The following UGGT2 variants were observed in gnomAD, a reference collection of about 807,000 sequenced individuals.
The protein encoded by UGGT2 is UDP-glucose glycoprotein glucosyltransferase 2.
In UGGT2, 180 loss-of-function variants were observed where a neutral mutation model predicts 192.1. That is an observed-to-expected ratio of 0.94 (90% CI 0.83 to 1.06). The LOEUF (loss-of-function observed/expected upper bound fraction) is 1.06. Among genes scored for constraint, UGGT2 ranks in the 50% least tolerant of loss-of-function variants. The pLI is 0.00. For missense variants in UGGT2, 1,849 were observed against 1,795.7 expected, an observed-to-expected ratio of 1.03 and a Z score of -0.54; for synonymous variants, 580 against 591.0, an observed-to-expected ratio of 0.98 and a Z score of 0.27.
At chr13:95,940,170 ATTT>A in intron 15 of UGGT2, 79 bp from the exon 16 acceptor site, 2 of 1,149,838 alleles carry the variant, frequency 1.7e-6, no homozygotes, top group Non-Finnish European at 2.3e-6. Context: ...ATGCAGATAG[ATTT>A]TTATTTTGTA....
chr13:95,924,394 T>TAA (rs2048951404), intron 20 of UGGT2, among the ~76,000 whole-genome samples: 3 of 16,522 alleles, frequency 1.8e-4, no homozygotes, highest in Non-Finnish European at 3.5e-4. Context: ...CCCAAACAGC[T>TAA]TTTTTTTTTT....
chr13:95,988,638 T>C (rs752036956), intron 8 of UGGT2, among the ~76,000 whole-genome samples: 20 of 152,298 alleles, frequency 1.3e-4, no homozygotes, highest in Admixed American at 1.1e-3. Context: ...TATTGATATA[T>C]TGATTTTCTA....
intron 36 of UGGT2, among the ~76,000 whole-genome samples, chr13:95,840,048 C>A (rs1282593391): frequency 6.6e-6 from 1 of 151,956 alleles, no homozygotes; most frequent in African/African-American, 2.4e-5. Context: ...ACATTTAAAT[C>A]TCTGCTTAAA....
At chr13:95,832,371 T>C (rs1220451415) in intron 38 of UGGT2, among the ~76,000 whole-genome samples, 1 of 152,112 alleles carries the variant, frequency 6.6e-6, no homozygotes, top group Non-Finnish European at 1.5e-5. Flanking sequence ...GCACATTTGT[T>C]GAACACTTAT....
At chr13:95,835,468 T>C (rs944497464) in intron 37 of UGGT2, among the ~76,000 whole-genome samples, 4 of 152,230 alleles carry the variant, frequency 2.6e-5, no homozygotes, top group Non-Finnish European at 5.9e-5. Context: ...CCTCTCTTTA[T>C]GAAATTCCCT....
At chr13:96,041,806 T>G (rs1226322388) in intron 1 of UGGT2, among the ~76,000 whole-genome samples, 1 of 152,114 alleles carries the variant, frequency 6.6e-6, no homozygotes, top group Admixed American at 6.5e-5. Context: ...ATAATCCTCC[T>G]GGGAATATAA....
chr13:95,808,585 C>T (rs765226359), intron 38 of UGGT2, among the ~76,000 whole-genome samples: 1 of 151,892 alleles, frequency 6.6e-6, no homozygotes, highest in Non-Finnish European at 1.5e-5. Context: ...CACATATGTA[C>T]CAAAAATCTA....
chr13:95,971,061 G>C (rs1166147669), intron 11 of UGGT2, among the ~76,000 whole-genome samples: 2 of 152,132 alleles, frequency 1.3e-5, no homozygotes, highest in Non-Finnish European at 2.9e-5. Context: ...AACCCATGGA[G>C]GCTCTGGCTC....
At chr13:95,980,981 G>A (rs918437375) in intron 10 of UGGT2, among the ~76,000 whole-genome samples, 6 of 152,310 alleles carry the variant, frequency 3.9e-5, no homozygotes, top group Admixed American at 2.0e-4. Flanking sequence ...CTGGGTGACA[G>A]AGCAAGACTC....
intron 12 of UGGT2, among the ~76,000 whole-genome samples, chr13:95,953,254 C>T (rs1268242367): frequency 6.6e-6 from 1 of 152,160 alleles, no homozygotes; most frequent in Non-Finnish European, 1.5e-5. Flanking sequence ...TGTCTTTGTT[C>T]CCTTCATGCT....
chr13:95,914,608 C>A (rs2048618778), intron 20 of UGGT2, among the ~76,000 whole-genome samples: 2 of 94,830 alleles, frequency 2.1e-5, no homozygotes, highest in Non-Finnish European at 3.9e-5. Context: ...AACTCCATCT[C>A]TACTAAAAAA....
At chr13:95,955,159 A>G (rs2050176177) in intron 12 of UGGT2, among the ~76,000 whole-genome samples, 3 of 152,190 alleles carry the variant, frequency 2.0e-5, no homozygotes, top group African/African-American at 7.2e-5. Flanking sequence ...TTGTAGATTC[A>G]ACAAATCTTT....
rs2139169295 is a variant in UGGT2, at chr13:96,034,097, T to C, written c.159-2126A>G. ...CACACTTACCCCCCTCTGAAGCCCA[T>C]AAAAACCCCAGACTCAGCCAAACTC... On this transcript the variant is annotated intron_variant, in intron 1 of 38. Coordinates refer to ENST00000376747, the MANE Select transcript of UGGT2 (RefSeq NM_020121.4). 5.9e-5 allele frequency among the ~76,000 whole-genome samples: 9 copies of C among 152,098 alleles called. 2 individuals are homozygous for C. In the South Asian group the frequency reaches 1.9e-3, roughly 32 times the overall value.
At position 95,816,020 on chromosome 13, in the gene UGGT2, A is replaced by C. The variant is rs1013935764; in HGVS notation, c.4529-14208T>G. Among the ~76,000 whole-genome samples, 6 of 152,202 alleles carry C rather than the reference A, an allele frequency of 3.9e-5. 1 individual carries two copies. Among genetic ancestry groups the C allele is most frequent in the Admixed American group, 2.0e-4 (3 of 15,268 alleles). On this transcript the variant is annotated intron_variant, in intron 38 of 38. Transcript: ENST00000376747. Reference sequence around the variant, plus strand: ...TGGTCCTGTTCCTCCAATGTAAGACACCTGCTCCTGCTTTGCCTTCCACCA... The same window carrying C: ...TGGTCCTGTTCCTCCAATGTAAGACCCCTGCTCCTGCTTTGCCTTCCACCA...
intron 38 of UGGT2, among the ~76,000 whole-genome samples, chr13:95,814,514 C>T (rs1039137291): frequency 6.6e-6 from 1 of 152,180 alleles, no homozygotes; most frequent in Admixed American, 6.5e-5. Flanking sequence ...TTATCCAATG[C>T]TTACATCTCC....
At chr13:95,822,408 T>C (rs367664025) in intron 38 of UGGT2, among the ~76,000 whole-genome samples, 2 of 152,080 alleles carry the variant, frequency 1.3e-5, no homozygotes, top group East Asian at 1.9e-4. Context: ...TGAGACTTTA[T>C]TGAATTAGTT....
At chr13:95,991,917 G>A (rs1020667016) in intron 7 of UGGT2, among the ~76,000 whole-genome samples, 2 of 152,128 alleles carry the variant, frequency 1.3e-5, no homozygotes, top group African/African-American at 4.8e-5. Context: ...ATAGCCTTGG[G>A]AGACCGAGGC....
chr13:95,997,891 A>T (rs945031640), intron 6 of UGGT2, among the ~76,000 whole-genome samples: 3 of 152,240 alleles, frequency 2.0e-5, no homozygotes, highest in Admixed American at 2.0e-4. Context: ...GTAAGAAATC[A>T]GATTGTGAAA....
intron 10 of UGGT2, chr13:95,983,548 T>C (rs1440825103): frequency 1.8e-6 from 1 of 554,352 alleles, no homozygotes; most frequent in South Asian, 1.5e-5. Context: ...CTTTATTCTT[T>C]ATCCTATGAA....
Sources: gnomAD v4.1 joint callset for allele counts (sites outside exome capture counted in the v4.1 genomes callset) on GRCh38, gnomAD v4.1.1 for gene constraint, MANE v1.5 for transcripts, NCBI Gene and HGNC (gene_info 2026-07-23, HGNC 2026-07-21) for gene names.